SMOC2: variants seen among roughly 807,000 people sequenced by gnomAD.
SMOC2 encodes SPARC-related modular calcium-binding protein 2.
Under a neutral mutation model 61.4 loss-of-function variants are expected in SMOC2, and 39 were observed. The ratio of observed to expected loss-of-function variants is 0.64; its 90% CI spans 0.49 to 0.83. SMOC2 has a LOEUF of 0.83. SMOC2 is among the 40% of genes least tolerant of loss of function. SMOC2 has a pLI of 0.00. For missense variants in SMOC2, 556 were observed against 592.9 expected (o/e 0.94, Z 0.65); for synonymous variants, 247 against 239.9 (o/e 1.03, Z -0.27).
intron 9 of SMOC2, among the ~76,000 whole-genome samples, chr6:168,640,678 TAG>T (rs1428479571): frequency 6.7e-6 from 1 of 148,690 alleles, no homozygotes; most frequent in Non-Finnish European, 1.5e-5. Flanking sequence ...TTTAAAAACA[TAG>T]AGAGTCTATC....
intron 9 of SMOC2, among the ~76,000 whole-genome samples, chr6:168,611,383 C>G (rs1785859357): frequency 9.2e-6 from 1 of 109,228 alleles, no homozygotes; most frequent in Non-Finnish European, 1.9e-5. Context: ...GCTCCCATGT[C>G]TGGCCCTGCT....
rs543193184 is a variant in SMOC2 at position 168,600,120 on chromosome 6, G to A, written c.824+1116G>A. ...CATGAGCTGCCTATAAAAGCCAGTG[G>A]CTTGGTCAGGCGCGGTGGTTCACGC... is the stretch of plus-strand genomic sequence containing the variant. On this transcript the variant is annotated intron_variant, in intron 8 of 12. Coordinates refer to ENST00000356284, the MANE Select transcript of SMOC2 (RefSeq NM_001166412.2). 4.6e-4 allele frequency among the ~76,000 whole-genome samples: 70 copies of A among 152,222 alleles called. 1 individual carries two copies. The South Asian group carries it at 0.014, about 30-fold the overall frequency.
intron 9 of SMOC2, among the ~76,000 whole-genome samples, chr6:168,649,851 G>A (rs998847472): frequency 2.0e-5 from 3 of 152,204 alleles, no homozygotes; most frequent in African/African-American, 7.2e-5. Flanking sequence ...TAAGGACACG[G>A]GATGCTGCCT....
rs528079409 is a variant in SMOC2 at position 168,656,925 on chromosome 6, G to A, written c.1285+3697G>A. On this transcript the variant is annotated intron_variant, in intron 11 of 12. Coordinates refer to ENST00000356284, the MANE Select transcript of SMOC2 (RefSeq NM_001166412.2). ...CCTCCCTTCGCTCTGTATGCAGGAG[G>A]CTGCCCCCTGTGCTGGCCCGGCCAT... Among the ~76,000 whole-genome samples, 3 of 152,376 alleles carry A rather than the reference G, an allele frequency of 2.0e-5. No homozygotes were observed. The South Asian group carries it at 6.2e-4, about 32-fold the overall frequency.
intron 7 of SMOC2, among the ~76,000 whole-genome samples, chr6:168,588,460 C>T (rs576796413): frequency 4.0e-4 from 60 of 151,842 alleles, no homozygotes; most frequent in Non-Finnish European, 1.6e-4. Context: ...CATTCCCAGC[C>T]GGAGCCTCTT....
chr6:168,549,043 T>C (rs763426848), intron 6 of SMOC2, 86 bp from the exon 7 acceptor site: 17 of 998,110 alleles, frequency 1.7e-5, no homozygotes, highest in Non-Finnish European at 2.7e-5. Flanking sequence ...TTTTGGCTGT[T>C]GGACTACTTG....
chr6:168,516,436 C>G (rs563334790), intron 2 of SMOC2, among the ~76,000 whole-genome samples: 5 of 149,900 alleles, frequency 3.3e-5, no homozygotes, highest in Admixed American at 2.0e-4. Flanking sequence ...TTTCTGGAAA[C>G]AGATATTGGA....
intron 9 of SMOC2, among the ~76,000 whole-genome samples, chr6:168,648,150 G>A (rs1041164264): frequency 6.6e-6 from 1 of 152,178 alleles, no homozygotes; most frequent in South Asian, 2.1e-4. Context: ...CAGTACTGAG[G>A]ATTATCTAAA....
intron 2 of SMOC2, among the ~76,000 whole-genome samples, chr6:168,518,035 TC>T (rs1459359586): frequency 2.0e-5 from 3 of 152,246 alleles, no homozygotes; most frequent in African/African-American, 4.8e-5. Flanking sequence ...CATGAGTGTT[TC>T]CGTCGAGCTC....
chr6:168,562,696 C>G (rs920428375), intron 7 of SMOC2, among the ~76,000 whole-genome samples: 4 of 152,162 alleles, frequency 2.6e-5, no homozygotes, highest in Non-Finnish European at 4.4e-5. Flanking sequence ...TCAGGTAGGA[C>G]GGCTTAAAAT....
At chr6:168,546,159 C>T (rs534794660) in intron 5 of SMOC2, among the ~76,000 whole-genome samples, 16 of 148,744 alleles carry the variant, frequency 1.1e-4, no homozygotes, top group African/African-American at 4.0e-4. Flanking sequence ...TAGTTATCTA[C>T]GTAAGCCTTG....
At chr6:168,576,240 A>G (rs1465500519) in intron 7 of SMOC2, among the ~76,000 whole-genome samples, 2 of 152,138 alleles carry the variant, frequency 1.3e-5, no homozygotes, top group African/African-American at 2.4e-5. Flanking sequence ...GCTCAAGTTT[A>G]TGGTCTAATT....
At chr6:168,506,724 A>T (rs989396345) in intron 1 of SMOC2, among the ~76,000 whole-genome samples, 1 of 152,166 alleles carries the variant, frequency 6.6e-6, no homozygotes, top group Non-Finnish European at 1.5e-5. Context: ...AATCAAAAGA[A>T]ATGAGAACCC....
intron 7 of SMOC2, among the ~76,000 whole-genome samples, chr6:168,580,849 G>A (rs1352856497): frequency 2.0e-5 from 3 of 152,220 alleles, no homozygotes; most frequent in African/African-American, 4.8e-5. Context: ...CCATTTGAAT[G>A]CATAATTTTA....
At chr6:168,529,074 CAT>C (rs1783521794) in intron 4 of SMOC2, among the ~76,000 whole-genome samples, 1 of 152,210 alleles carries the variant, frequency 6.6e-6, no homozygotes, top group Admixed American at 6.5e-5. Context: ...TCTTAGAAAA[CAT>C]GTGCAAAATT....
In SMOC2 at chr6:168,658,733, G is replaced by A. The variant is rs149018837; in HGVS notation, c.1286-5341G>A. Among the ~76,000 whole-genome samples, 122 of 152,222 alleles carry A rather than the reference G, an allele frequency of 8.0e-4. 2 individuals carry two copies. The highest frequency in any genetic ancestry group is 6.6e-3 in the Admixed American group (101 of 15,290). On this transcript the variant is annotated intron_variant, in intron 11 of 12. Coordinates refer to ENST00000356284, the MANE Select transcript of SMOC2 (RefSeq NM_001166412.2). ...ATGGTGACAGAATTTTGAAAATTTC[G>A]GGATGAAACGATTTCAAGATGGATC... is the stretch of plus-strand genomic sequence containing the variant.
intron 9 of SMOC2, among the ~76,000 whole-genome samples, chr6:168,614,375 G>A (rs1252001312): frequency 2.2e-5 from 2 of 92,888 alleles, no homozygotes; most frequent in African/African-American, 9.3e-5. Flanking sequence ...CCAGCACAGG[G>A]CCTCTTCATA....
At chr6:168,515,127 G>A (rs1783099742) in intron 2 of SMOC2, among the ~76,000 whole-genome samples, 1 of 152,256 alleles carries the variant, frequency 6.6e-6, no homozygotes, top group Admixed American at 6.5e-5. Flanking sequence ...ATTTCAATAG[G>A]AATTCTCATT....
chr6:168,509,897 CT>C lies in SMOC2; in HGVS notation c.85-11del. The stretch of plus-strand genomic sequence containing the variant: ...ATGTGTCTTTAAATTTGTCTGGCTT[CT>C]TTTTTTCTCCTTTAAGTTTTTGAGA... On this transcript the variant is annotated splice_polypyrimidine_tract_variant and intron_variant, in intron 1 of 12. Transcript: ENST00000356284. The C allele has an allele frequency of 1.3e-6, 2 of 1,578,892 alleles. No homozygotes were observed. Among genetic ancestry groups the C allele is most frequent in the East Asian group, 2.3e-5 (1 of 44,288 alleles).
Sources: gnomAD v4.1 joint callset for allele counts (sites outside exome capture counted in the v4.1 genomes callset) on GRCh38, gnomAD v4.1.1 for gene constraint, MANE v1.5 for transcripts, NCBI Gene and HGNC (gene_info 2026-07-23, HGNC 2026-07-21) for gene names.